Variants in CSRNP3 observed in about 807,000 individuals in gnomAD.
The protein encoded by CSRNP3 is cysteine/serine-rich nuclear protein 3.
A neutral mutation model predicts 48.0 loss-of-function variants in CSRNP3; 12 were observed. The ratio of observed to expected loss-of-function variants is 0.25; its 90% CI spans 0.16 to 0.41. The LOEUF (loss-of-function observed/expected upper bound fraction) is 0.41. Ranked by LOEUF, CSRNP3 falls within the 10% of genes least tolerant of loss-of-function variation. CSRNP3 has a pLI of 1.00. For synonymous variants in CSRNP3, 263 were observed against 269.7 expected, an observed-to-expected ratio of 0.98 and a Z score of 0.24; for missense variants, 580 against 724.4, an observed-to-expected ratio of 0.80 and a Z score of 2.29.
intron 3 of CSRNP3, among the ~76,000 whole-genome samples, chr2:165,535,788 T>C (rs988995300): frequency 1.3e-5 from 2 of 151,842 alleles, no homozygotes; most frequent in Non-Finnish European, 2.9e-5. Context: ...GAGAACCTGC[T>C]AGATGAAAGA....
At chr2:165,540,662 TC>T (rs201695920) in intron 3 of CSRNP3, among the ~76,000 whole-genome samples, 2 of 65,364 alleles carry the variant, frequency 3.1e-5, no homozygotes, top group African/African-American at 8.1e-5. Context: ...TGGCACCAGT[TC>T]TTTTTTTTCC....
intron 1 of CSRNP3, among the ~76,000 whole-genome samples, chr2:165,494,549 A>C (rs540383810): frequency 1.5e-4 from 23 of 152,106 alleles, no homozygotes; most frequent in African/African-American, 4.6e-4. Flanking sequence ...ACTTTTTCTT[A>C]TAAGACACTG....
At position 165,499,248 on chromosome 2, in the gene CSRNP3, G is replaced by A. The variant is rs79459874; in HGVS notation, c.-113+4320G>A. Among the ~76,000 whole-genome samples the A allele has an allele frequency of 9.4e-3, 1,427 of 152,194 alleles. 27 individuals are homozygous for A. Among genetic ancestry groups the A allele is most frequent in the African/African-American group, 0.032 (1,337 of 41,530 alleles). On this transcript the variant is annotated intron_variant, in intron 2 of 6. Transcript: ENST00000651982. ...TTGCTTTATACTTGCTGTTTATGAC[G>A]GTGATGATGAAATCTGCGCCTGAAG...
chr2:165,605,161 T>G (rs1228510013), intron 4 of CSRNP3, among the ~76,000 whole-genome samples: 1 of 152,136 alleles, frequency 6.6e-6, no homozygotes, highest in Admixed American at 6.5e-5. Flanking sequence ...ATCAATCACT[T>G]TCAATTGAAC....
At chr2:165,596,108 C>T (rs1446673135) in intron 4 of CSRNP3, among the ~76,000 whole-genome samples, 1 of 151,066 alleles carries the variant, frequency 6.6e-6, no homozygotes, top group African/African-American at 2.4e-5. Context: ...GCATGAGCCA[C>T]TGCATCCAGC....
chr2:165,541,345 C>T (rs1216783248), intron 3 of CSRNP3, among the ~76,000 whole-genome samples: 1 of 151,958 alleles, frequency 6.6e-6, no homozygotes, highest in Non-Finnish European at 1.5e-5. Context: ...TACTCGATCA[C>T]TTTTCATATG....
chr2:165,609,307 A>C (rs1686092003), intron 4 of CSRNP3, among the ~76,000 whole-genome samples: 1 of 147,086 alleles, frequency 6.8e-6, no homozygotes, highest in South Asian at 2.2e-4. Flanking sequence ...AAAATACAAA[A>C]AATTAGCCGG....
intron 4 of CSRNP3, among the ~76,000 whole-genome samples, chr2:165,606,298 T>C (rs1347622247): frequency 1.5e-5 from 2 of 131,764 alleles, no homozygotes; most frequent in Non-Finnish European, 3.2e-5. Flanking sequence ...TATTTGTAAA[T>C]CATTAACTGA....
At position 165,564,910 on chromosome 2, in the gene CSRNP3, T is replaced by C. The variant is rs1685278793; in HGVS notation, c.-23-30133T>C. Among the ~76,000 whole-genome samples the C allele has an allele frequency of 2.0e-5, 3 of 152,032 alleles. 1 individual carries two copies. Among genetic ancestry groups the C allele is most frequent in the Middle Eastern group, 6.3e-3 (2 of 316 alleles). Reference sequence around the variant, plus strand: ...CTGGTTCCACAGTGGCCATAGAATATAGTAAATTGGAGTGATGTAGCCATA... The same window carrying C: ...CTGGTTCCACAGTGGCCATAGAATACAGTAAATTGGAGTGATGTAGCCATA... On this transcript the variant is annotated intron_variant, in intron 3 of 6. Coordinates refer to ENST00000651982, the MANE Select transcript of CSRNP3 (RefSeq NM_001172173.2).
intron 4 of CSRNP3, among the ~76,000 whole-genome samples, chr2:165,650,417 TG>T (rs1310196852): frequency 2.0e-5 from 3 of 152,226 alleles, no homozygotes; most frequent in African/African-American, 4.8e-5. Context: ...TTGGCTATCA[TG>T]TCAAGTTGGA....
rs773545370 is a variant in CSRNP3, at chr2:165,678,881, A to G, written c.886A>G (p.Ser296Gly). 6 of 1,614,020 alleles carry G rather than the reference A, an allele frequency of 3.7e-6. No homozygotes were observed. The Admixed American group carries it at 6.7e-5, about 18-fold the overall frequency. ...GCTGAATGGCTGCCACAGTGAGATA[A>G]GTGCTCACAGTAGTTCTATGGGCCC... ...PTLNGCHSEISAHSSSMGPVA... is the reference protein window; with the variant it reads ...PTLNGCHSEIGAHSSSMGPVA... Residue 296 changes from serine (S) to glycine (G), a missense_variant, in exon 7 of 7, where the codon AGT (serine) becomes GGT (glycine). Ser to Gly is a moderately conservative substitution (Grantham distance 56). Around this residue, in one of 4 missense-constraint regions of CSRNP3, gnomAD observed 369 missense variants for 380.8 expected, o/e 0.97. Transcript: ENST00000651982.
chr2:165,669,924 A>T (rs1275581649), intron 5 of CSRNP3, among the ~76,000 whole-genome samples: 1 of 152,208 alleles, frequency 6.6e-6, no homozygotes, highest in Non-Finnish European at 1.5e-5. Flanking sequence ...TAAAATAAAG[A>T]TGATTAAGTC....
In CSRNP3 at chr2:165,673,131, C is replaced by CTTTTTTTTTTTT. The variant is rs3032370; in HGVS notation, c.409-3168_409-3157dup. Among the ~76,000 whole-genome samples the CTTTTTTTTTTTT allele has an allele frequency of 1.0e-4, 7 of 67,122 alleles. 1 individual carries two copies. The highest frequency in any genetic ancestry group is 1.6e-4 in the Non-Finnish European group (6 of 38,302). The allele number at this position is 67,122 out of a possible 152,430, so 44.0% of individuals were successfully genotyped here. ...AGCAAGAGTGAAACAGTATGTAGCTCTTTTTTTTTTTTTTTTTTTTTTTTG... is the reference window on the plus strand; with the variant it reads ...AGCAAGAGTGAAACAGTATGTAGCTCTTTTTTTTTTTTTTTTTTTTTTTTTTTTTTTTTTTTG... On this transcript the variant is annotated intron_variant, in intron 5 of 6. Transcript: ENST00000651982.
intron 3 of CSRNP3, among the ~76,000 whole-genome samples, chr2:165,590,021 T>C (rs1295382514): frequency 6.6e-6 from 1 of 152,250 alleles, no homozygotes; most frequent in Non-Finnish European, 1.5e-5. Flanking sequence ...ACTTTGCATC[T>C]TGTTTGAAGT....
At chr2:165,504,260 T>C (rs1684396306) in intron 2 of CSRNP3, among the ~76,000 whole-genome samples, 1 of 152,018 alleles carries the variant, frequency 6.6e-6, no homozygotes, top group Non-Finnish European at 1.5e-5. Context: ...CCCTCTTGCG[T>C]CTGATCCTTC....
At chr2:165,561,137 A>T (rs542955028) in intron 3 of CSRNP3, among the ~76,000 whole-genome samples, 2 of 152,256 alleles carry the variant, frequency 1.3e-5, no homozygotes, top group African/African-American at 2.4e-5. Context: ...TCTGCAGTTA[A>T]ATAATAAAAA....
At chr2:165,597,191 A>G (rs1362132061) in intron 4 of CSRNP3, among the ~76,000 whole-genome samples, 1 of 152,218 alleles carries the variant, frequency 6.6e-6, no homozygotes, top group East Asian at 1.9e-4. Context: ...TTCTGGATAT[A>G]AAGGTCTGGA....
intron 4 of CSRNP3, among the ~76,000 whole-genome samples, chr2:165,599,349 C>T (rs375982929): frequency 1.8e-4 from 23 of 129,670 alleles, no homozygotes; most frequent in Admixed American, 1.0e-3. Context: ...AAAAGAAAGA[C>T]GAAAGGAAGT....
chr2:165,596,966 A>G (rs1188272478), intron 4 of CSRNP3, among the ~76,000 whole-genome samples: 2 of 152,212 alleles, frequency 1.3e-5, no homozygotes, highest in Non-Finnish European at 1.5e-5. Context: ...CCTCCAATTT[A>G]CAAAGGAAAC....
Sources: gnomAD v4.1 joint callset for allele counts (sites outside exome capture counted in the v4.1 genomes callset) on GRCh38, gnomAD v4.1.1 for gene constraint, gnomAD v4.1.1 regional missense constraint, MANE v1.5 for transcripts, NCBI Gene and HGNC (gene_info 2026-07-23, HGNC 2026-07-21) for gene names.